The following HYKK variants were observed in gnomAD, a reference collection of about 807,000 sequenced individuals.
HYKK encodes hydroxylysine kinase.
HYKK carries 19 observed loss-of-function variants against 29.7 expected under a neutral mutation model. The observed-to-expected ratio is 0.64, with a 90% confidence interval of 0.45 to 0.94. The LOEUF (loss-of-function observed/expected upper bound fraction) is 0.94. Ranked by LOEUF, HYKK falls within the 40% of genes least tolerant of loss-of-function variation. HYKK has a pLI of 0.00. For missense variants in HYKK, 390 were observed against 443.4 expected (o/e 0.88, Z 1.08); for synonymous variants, 152 against 158.1 (o/e 0.96, Z 0.29).
At chr15:78,530,200 ATTTTTTT>A (rs60803012) in intron 4 of HYKK, among the ~76,000 whole-genome samples, 2 of 135,184 alleles carry the variant, frequency 1.5e-5, no homozygotes, top group Admixed American at 7.4e-5. Flanking sequence ...TTATTTATTT[ATTTTTTT>A]TTTTTTTTTT....
chr15:78,532,162 C>T (rs2052318656), intron 4 of HYKK, among the ~76,000 whole-genome samples: 2 of 152,142 alleles, frequency 1.3e-5, no homozygotes, highest in African/African-American at 4.8e-5. Context: ...TTTTTTCCCC[C>T]AACCCATTAC....
chr15:78,513,744 T>C (rs2052099119), intron 2 of HYKK, among the ~76,000 whole-genome samples: 1 of 152,154 alleles, frequency 6.6e-6, no homozygotes, highest in Non-Finnish European at 1.5e-5. Flanking sequence ...ATTTTTTGTT[T>C]GTTTCGTATT....
intron 3 of HYKK, among the ~76,000 whole-genome samples, chr15:78,523,617 T>C (rs2141360533): frequency 6.6e-6 from 1 of 152,256 alleles, no homozygotes; most frequent in Middle Eastern, 3.4e-3. Context: ...ATTCCAGCAT[T>C]AACTCAAAAG....
intron 3 of HYKK, among the ~76,000 whole-genome samples, chr15:78,515,715 A>G (rs926304584): frequency 1.3e-5 from 2 of 151,856 alleles, no homozygotes; most frequent in African/African-American, 2.4e-5. Context: ...CAGCCTCCCA[A>G]GTAGCTGGGA....
chr15:78,518,601 G>A (rs944049320), intron 3 of HYKK: 15 of 455,434 alleles, frequency 3.3e-5, no homozygotes, highest in Admixed American at 9.4e-5. Context: ...GGTAAGCCCC[G>A]CGTTACACCC....
At chr15:78,523,947 C>T (rs2052223802) in intron 3 of HYKK, among the ~76,000 whole-genome samples, 2 of 152,244 alleles carry the variant, frequency 1.3e-5, no homozygotes, top group Admixed American at 6.5e-5. Context: ...TTGCAAGGTT[C>T]AGCCCCTGTG....
At position 78,527,413 on chromosome 15, in the gene HYKK, CG is replaced by C. The variant is rs1355387328; in HGVS notation, c.514del (p.Glu172ArgfsTer7). 1 of 1,613,676 alleles carries C rather than the reference CG, an allele frequency of 6.2e-7. No homozygotes were observed. The highest frequency in any genetic ancestry group is 1.3e-5 in the African/African-American group (1 of 74,854). On this transcript the variant is annotated frameshift_variant, in exon 4 of 5. Coordinates refer to ENST00000388988, the MANE Select transcript of HYKK (RefSeq NM_001013619.4). LOFTEE classifies it high-confidence loss of function. ...TCACCCAAAGTTAAGTAGTCTTCAT[CG>C]GGAGAACTTCATCTGGAATCTGAAA... ...FHHPKLSSLH[R>X]ENFIWNLKNV...
intron 3 of HYKK, among the ~76,000 whole-genome samples, chr15:78,519,208 A>G (rs553980721): frequency 2.6e-5 from 4 of 152,296 alleles, no homozygotes; most frequent in South Asian, 4.1e-4. Context: ...ACCTTTTTCT[A>G]TACTTACAAT....
intron 3 of HYKK, 133 bp from the exon 4 acceptor site, chr15:78,527,247 C>T (rs1343430794): frequency 7.1e-6 from 5 of 708,260 alleles, no homozygotes; most frequent in Non-Finnish European, 1.1e-5. Flanking sequence ...GATCGTGCCA[C>T]TGCACTCCTG....
At chr15:78,516,623 G>A (rs1437370474) in intron 3 of HYKK, among the ~76,000 whole-genome samples, 1 of 151,996 alleles carries the variant, frequency 6.6e-6, no homozygotes, top group African/African-American at 2.4e-5. Flanking sequence ...GTGCTGGGAT[G>A]ACAGGCATGA....
intron 4 of HYKK, chr15:78,528,799 T>C (rs1479766188): frequency 1.2e-6 from 1 of 804,454 alleles, no homozygotes; most frequent in Non-Finnish European, 1.5e-6. Flanking sequence ...GAAATCCGTC[T>C]CCAAAAAAAA....
intron 3 of HYKK, among the ~76,000 whole-genome samples, chr15:78,522,896 A>AAG (rs535795149): frequency 6.6e-6 from 1 of 151,898 alleles, no homozygotes; most frequent in Non-Finnish European, 1.5e-5. Flanking sequence ...AAAAAGAAAA[A>AAG]AGAGAGAGAG....
chr15:78,517,835 T>C (rs957289505), intron 3 of HYKK, among the ~76,000 whole-genome samples: 9 of 152,180 alleles, frequency 5.9e-5, no homozygotes, highest in African/African-American at 2.2e-4. Context: ...CCAGTGTGGA[T>C]GGTAGGAACA....
chr15:78,515,587 ATTTT>A (rs145146182), intron 3 of HYKK, among the ~76,000 whole-genome samples: 2 of 126,994 alleles, frequency 1.6e-5, no homozygotes, highest in Non-Finnish European at 3.4e-5. Flanking sequence ...CTCCAAAGAA[ATTTT>A]TTTTTTTTTT....
At chr15:78,509,661 A>C (rs1651044460) in intron 1 of HYKK, among the ~76,000 whole-genome samples, 1 of 152,182 alleles carries the variant, frequency 6.6e-6, no homozygotes, top group South Asian at 2.1e-4. Context: ...TTGCATTTTG[A>C]ATACTTACCT....
chr15:78,528,596 A>C (rs550427530), intron 4 of HYKK: 1 of 762,068 alleles, frequency 1.3e-6, no homozygotes, highest in South Asian at 6.0e-5. Context: ...TGAGGTCAGG[A>C]GTTTGAGACT....
intron 3 of HYKK, among the ~76,000 whole-genome samples, chr15:78,516,343 C>CTTTTTTT (rs575124681): frequency 8.6e-6 from 1 of 115,954 alleles, no homozygotes. Flanking sequence ...AAGGGTTGGT[C>CTTTTTTT]TTTTTTTTTT....
At chr15:78,508,367 A>G (rs528285340) in intron 1 of HYKK, among the ~76,000 whole-genome samples, 39 of 152,352 alleles carry the variant, frequency 2.6e-4, no homozygotes, top group South Asian at 1.7e-3. Flanking sequence ...AGGAGAAGAA[A>G]GGTAGAGTTG....
At chr15:78,517,199 C>T (rs2052145003) in intron 3 of HYKK, among the ~76,000 whole-genome samples, 1 of 144,668 alleles carries the variant, frequency 6.9e-6, no homozygotes, top group South Asian at 2.2e-4. Context: ...GGGCTCATTG[C>T]ATTATTTCTG....
Sources: allele counts gnomAD v4.1 joint callset (sites outside exome capture counted in the v4.1 genomes callset), GRCh38; gene constraint gnomAD v4.1.1; transcripts MANE v1.5; gene names NCBI Gene and HGNC (gene_info 2026-07-23, HGNC 2026-07-21).